The following GRID1 variants were observed in gnomAD, a reference collection of about 807,000 sequenced individuals.
The protein encoded by GRID1 is glutamate receptor ionotropic, delta-1.
Under a neutral mutation model 98.0 loss-of-function variants are expected in GRID1, and 28 were observed. That is an observed-to-expected ratio of 0.29 (90% confidence interval 0.21 to 0.39). The LOEUF (loss-of-function observed/expected upper bound fraction) is 0.39, where lower values mean the gene tolerates loss of function less well. GRID1 is among the 10% of genes least tolerant of loss of function. GRID1 has a pLI of 1.00. For synonymous variants in GRID1, 553 were observed against 538.5 expected (o/e 1.03, Z -0.37); for missense variants, 1,111 against 1,340.5 (o/e 0.83, Z 2.67).
chr10:86,054,018 G>C (rs1330608647), intron 4 of GRID1, among the ~76,000 whole-genome samples: 3 of 152,124 alleles, frequency 2.0e-5, no homozygotes, highest in African/African-American at 4.8e-5. Flanking sequence ...GGAGTCTGTA[G>C]ATGGAAAAAA....
intron 4 of GRID1, among the ~76,000 whole-genome samples, chr10:86,058,144 G>A (rs978795639): frequency 6.6e-6 from 1 of 152,120 alleles, no homozygotes; most frequent in East Asian, 1.9e-4. Context: ...GAGGAAGCTG[G>A]AGTGCACAAA....
At chr10:85,941,613 T>C (rs1210500381) in intron 4 of GRID1, among the ~76,000 whole-genome samples, 1 of 152,240 alleles carries the variant, frequency 6.6e-6, no homozygotes, top group Admixed American at 6.5e-5. Flanking sequence ...AAGTGATCCA[T>C]GTTCAGTGTA....
chr10:85,837,385 C>A (rs916575063), intron 8 of GRID1, among the ~76,000 whole-genome samples: 1 of 152,180 alleles, frequency 6.6e-6, no homozygotes, highest in Non-Finnish European at 1.5e-5. Context: ...CACAGTGAGG[C>A]TGGCACCCCT....
At chr10:86,249,279 AGAGAGGGCTT>A (rs1846782522) in intron 2 of GRID1, among the ~76,000 whole-genome samples, 2 of 152,200 alleles carry the variant, frequency 1.3e-5, no homozygotes, top group Non-Finnish European at 2.9e-5. Context: ...CTGGGAGATC[AGAGAGGGCTT>A]GGCATTTGGC....
intron 4 of GRID1, among the ~76,000 whole-genome samples, chr10:86,100,126 C>CAT (rs1844275451): frequency 1.3e-5 from 2 of 152,202 alleles, no homozygotes; most frequent in African/African-American, 4.8e-5. Flanking sequence ...ACAGCCTCTC[C>CAT]ATGCCTCAGC....
chr10:85,972,878 GT>G (rs1187682700), intron 4 of GRID1, among the ~76,000 whole-genome samples: 1 of 152,158 alleles, frequency 6.6e-6, no homozygotes, highest in Non-Finnish European at 1.5e-5. Context: ...AAAGTCACCA[GT>G]TTTATCACAA....
intron 3 of GRID1, among the ~76,000 whole-genome samples, chr10:86,145,856 G>A (rs559473917): frequency 3.8e-4 from 58 of 152,234 alleles, no homozygotes; most frequent in African/African-American, 1.1e-3. Flanking sequence ...GAACCACAGC[G>A]GGAACCTGCC....
rs535371369 is a variant in GRID1 at position 85,631,377 on chromosome 10, C to T, written c.2194-11344G>A. Among the ~76,000 whole-genome samples, 9 of 152,324 alleles carry T rather than the reference C, an allele frequency of 5.9e-5. No individual in the cohort carries two copies. The East Asian group carries it at 1.7e-3, about 29-fold the overall frequency. On this transcript the variant is annotated intron_variant, in intron 13 of 15. Transcript: ENST00000327946. ...CTTCTGCTGCCAGATTCTTGTCAAG[C>T]TTTTGTTAATGACATCTGCCTCCAG...
intron 4 of GRID1, among the ~76,000 whole-genome samples, chr10:86,098,183 A>T (rs891759992): frequency 6.6e-6 from 1 of 152,208 alleles, no homozygotes; most frequent in African/African-American, 2.4e-5. Flanking sequence ...GTACATGCTT[A>T]CTATTAAAAG....
chr10:86,334,066 C>T (rs1848189568), intron 2 of GRID1, among the ~76,000 whole-genome samples: 1 of 151,986 alleles, frequency 6.6e-6, no homozygotes, highest in African/African-American at 2.4e-5. Flanking sequence ...CCCTCACCTC[C>T]TACATCACTC....
chr10:86,247,364 G>T (rs1772619576), intron 2 of GRID1, among the ~76,000 whole-genome samples: 1 of 152,070 alleles, frequency 6.6e-6, no homozygotes, highest in Admixed American at 6.5e-5. Flanking sequence ...CAGAGGGATG[G>T]ACAGATGGAT....
Position 85,820,027 on chromosome 10 carries a change from AAGGCAGGCAGGCAGGCAGGCAGGCAGGC to A in GRID1, c.1233+34441_1233+34468del, listed in dbSNP as rs1156384223. Reference sequence around the variant, plus strand: ...GAAGGAAGGAAGGAAGGAAGGAAGGAAGGCAGGCAGGCAGGCAGGCAGGCAGGCAGGCAGGCAGGCAGGAAGGCAGGTA... The same window carrying A: ...GAAGGAAGGAAGGAAGGAAGGAAGGAAGGCAGGCAGGCAGGAAGGCAGGTA... On this transcript the variant is annotated intron_variant, in intron 8 of 15. Coordinates refer to ENST00000327946, the MANE Select transcript of GRID1 (RefSeq NM_017551.3). Among the ~76,000 whole-genome samples the A allele has an allele frequency of 3.9e-3, 256 of 66,480 alleles. 5 individuals carry two copies. Among genetic ancestry groups the A allele is most frequent in the African/African-American group, 0.012 (159 of 13,166 alleles). 43.6% of individuals were successfully genotyped at this position (66,480 alleles called of 152,430 possible). A position where few individuals can be genotyped will look rare whatever the true frequency, so the allele number is the denominator to read the frequency against.
At chr10:85,687,859 G>C (rs1003568089) in intron 12 of GRID1, among the ~76,000 whole-genome samples, 1 of 152,162 alleles carries the variant, frequency 6.6e-6, no homozygotes, top group Non-Finnish European at 1.5e-5. Context: ...TGTGTGTTTT[G>C]GGGGAGAGGG....
rs114743666 is a variant in GRID1, at chr10:86,133,033, C to T, written c.726+5786G>A. Among the ~76,000 whole-genome samples the T allele has an allele frequency of 5.7e-3, 862 of 152,374 alleles. 17 individuals are homozygous for T. Among genetic ancestry groups the T allele is most frequent in the African/African-American group, 0.02 (822 of 41,590 alleles). Reference sequence around the variant, plus strand: ...GTTCTTTCTCCTGTTCTTCCCTCTACAGAAAGAGATCACTGGTATCTAACT... The same window carrying T: ...GTTCTTTCTCCTGTTCTTCCCTCTATAGAAAGAGATCACTGGTATCTAACT... On this transcript the variant is annotated intron_variant, in intron 4 of 15. Coordinates refer to ENST00000327946, the MANE Select transcript of GRID1 (RefSeq NM_017551.3).
intron 4 of GRID1, among the ~76,000 whole-genome samples, chr10:86,099,013 T>C (rs1844258383): frequency 6.6e-6 from 1 of 152,234 alleles, no homozygotes; most frequent in Admixed American, 6.5e-5. Context: ...TTCACAACCC[T>C]CTTCTTTGTA....
At chr10:86,340,757 A>G (rs985908770) in intron 2 of GRID1, among the ~76,000 whole-genome samples, 5 of 152,218 alleles carry the variant, frequency 3.3e-5, no homozygotes, top group African/African-American at 1.2e-4. Flanking sequence ...TGAAGTCCCC[A>G]TGGCAGCCAG....
intron 8 of GRID1, among the ~76,000 whole-genome samples, chr10:85,805,740 T>C (rs1319668666): frequency 1.3e-5 from 2 of 151,864 alleles, no homozygotes; most frequent in African/African-American, 2.4e-5. Context: ...GGGCAAGAAA[T>C]GCCTTTTCAA....
intron 4 of GRID1, among the ~76,000 whole-genome samples, chr10:85,991,903 A>C (rs1842685287): frequency 6.6e-6 from 1 of 152,226 alleles, no homozygotes; most frequent in African/African-American, 2.4e-5. Flanking sequence ...GTTCTAAAAC[A>C]AGTTTCTAGG....
intron 8 of GRID1, among the ~76,000 whole-genome samples, chr10:85,739,695 A>C (rs932619182): frequency 6.6e-6 from 1 of 152,234 alleles, no homozygotes; most frequent in African/African-American, 2.4e-5. Context: ...TGGCCAAAAA[A>C]TTATCGATCT....
Sources: gnomAD v4.1 joint callset for allele counts (sites outside exome capture counted in the v4.1 genomes callset) on GRCh38, gnomAD v4.1.1 for gene constraint, MANE v1.5 for transcripts, NCBI Gene and HGNC (gene_info 2026-07-23, HGNC 2026-07-21) for gene names.